The following DEDD2 variants were observed in gnomAD, a reference collection of about 807,000 sequenced individuals.
The protein encoded by DEDD2 is DNA-binding death effector domain-containing protein 2.
Under a neutral mutation model 28.9 loss-of-function variants are expected in DEDD2, and 18 were observed. The ratio of observed to expected loss-of-function variants is 0.62; its 90% CI spans 0.43 to 0.92. DEDD2 has a LOEUF of 0.92. DEDD2 is among the 40% of genes least tolerant of loss of function. The pLI is 0.00. For synonymous variants in DEDD2, 211 were observed against 206.1 expected, an observed-to-expected ratio of 1.02 and a Z score of -0.20; for missense variants, 411 against 463.3, an observed-to-expected ratio of 0.89 and a Z score of 1.04.
intron 3 of DEDD2, among the ~76,000 whole-genome samples, chr19:42,214,728 A>G (rs1053939881): frequency 1.3e-5 from 2 of 152,132 alleles, no homozygotes; most frequent in Non-Finnish European, 2.9e-5. Context: ...TCATCACTGC[A>G]CTCCAGCCTG....
chr19:42,219,402 A>G (rs2036089622), upstream of DEDD2, among the ~76,000 whole-genome samples: 1 of 152,066 alleles, frequency 6.6e-6, no homozygotes, highest in Non-Finnish European at 1.5e-5. Flanking sequence ...GGAGTTCGAG[A>G]GCAGCCTGAC....
intron 3 of DEDD2, among the ~76,000 whole-genome samples, chr19:42,213,482 A>AG (rs2035844998): frequency 1.3e-5 from 2 of 152,190 alleles, no homozygotes; most frequent in South Asian, 4.1e-4. Flanking sequence ...CCCTTAACCA[A>AG]GTGACCAAAC....
intron 4 of DEDD2, among the ~76,000 whole-genome samples, chr19:42,200,955 A>G (rs2035308626): frequency 6.6e-6 from 1 of 152,032 alleles, no homozygotes; most frequent in South Asian, 2.1e-4. Context: ...TAGTGACAGT[A>G]CCCCCTCTCT....
At chr19:42,216,365 C>T (rs1220571812) in intron 2 of DEDD2, among the ~76,000 whole-genome samples, 3 of 152,194 alleles carry the variant, frequency 2.0e-5, no homozygotes, top group Non-Finnish European at 4.4e-5. Flanking sequence ...ACAGTGAAGA[C>T]AGTAACAGGA....
At chr19:42,214,415 A>C (rs2035883909) in intron 3 of DEDD2, among the ~76,000 whole-genome samples, 1 of 152,106 alleles carries the variant, frequency 6.6e-6, no homozygotes, top group African/African-American at 2.4e-5. Context: ...CCGAGATTGC[A>C]CCACTGCACC....
In DEDD2 at chr19:42,216,704, G is replaced by C. The variant is rs866306268; in HGVS notation, c.304C>G (p.Leu102Val). Residue 102 changes from leucine to valine, a missense_variant, in exon 2 of 5, where the codon CTG becomes GTG. Physicochemically the swap from Leu to Val is conservative, Grantham distance 32. This residue lies in a region of DEDD2 where 282 missense variants were observed against 273.4 expected (regional missense o/e 1.03). Transcript: ENST00000596251. ...VLARHDLLPHLARKRRRPVSP... is the reference protein window; with the variant it reads ...VLARHDLLPHVARKRRRPVSP... Reference sequence around the variant, plus strand: ...CCTGGCCGGCGCCGCTTGCGCGCCAGGTGCGGCAGCAGGTCGTGGCGGGCC... The same window carrying C: ...CCTGGCCGGCGCCGCTTGCGCGCCACGTGCGGCAGCAGGTCGTGGCGGGCC... 6.3e-7 allele frequency: 1 copy of C among 1,585,806 alleles called. No individual in the cohort carries two copies. Among genetic ancestry groups the C allele is most frequent in the Non-Finnish European group, 8.5e-7 (1 of 1,170,298 alleles).
chr19:42,218,468 T>C (rs2036064560), upstream of DEDD2, among the ~76,000 whole-genome samples: 1 of 152,070 alleles, frequency 6.6e-6, no homozygotes, highest in African/African-American at 2.4e-5. Flanking sequence ...GTCGCCCAGA[T>C]ACCCGCTCCC....
At chr19:42,202,928 T>C (rs1298420184) in intron 4 of DEDD2, among the ~76,000 whole-genome samples, 2 of 152,260 alleles carry the variant, frequency 1.3e-5, no homozygotes, top group East Asian at 3.9e-4. Flanking sequence ...GCTTTACCCC[T>C]CCCCAAAATA....
intron 4 of DEDD2, among the ~76,000 whole-genome samples, chr19:42,205,989 G>A (rs1010818266): frequency 6.6e-6 from 1 of 151,928 alleles, no homozygotes; most frequent in Non-Finnish European, 1.5e-5. Flanking sequence ...GGAGGCTGAG[G>A]TTGGAGAATC....
chr19:42,217,456 G>C (rs2036029430), intron 1 of DEDD2, among the ~76,000 whole-genome samples, 176 bp downstream of exon 1: 1 of 152,150 alleles, frequency 6.6e-6, no homozygotes, highest in Non-Finnish European at 1.5e-5. Context: ...CCTCCCGAAA[G>C]TGACCCTCTG....
intron 4 of DEDD2, among the ~76,000 whole-genome samples, chr19:42,200,299 GGA>G (rs1057412821): frequency 1.1e-4 from 16 of 152,202 alleles, no homozygotes; most frequent in African/African-American, 3.6e-4. Flanking sequence ...CACTCAGCAT[GGA>G]GAGACAGATG....
Position 42,199,162 on chromosome 19 carries a change from C to T in DEDD2, c.*276G>A, listed in dbSNP as rs1045803408. On this transcript the variant is annotated 3_prime_UTR_variant, in exon 5 of 5. Transcript: ENST00000596251. The surrounding 1 kb of genome is among the most constrained non-coding windows in gnomAD (Gnocchi z 7.4). ...GCCTTTGGTGAGTGTGTAGCTGTGC[C>T]CCTCCCTTCTGAGATACAGGCCCAG... The T allele has an allele frequency of 1.2e-5, 6 of 513,660 alleles. No individual in the cohort carries two copies. Among genetic ancestry groups the T allele is most frequent in the Non-Finnish European group, 2.1e-5 (6 of 288,304 alleles). 31.8% of individuals were successfully genotyped at this position (513,660 alleles called of 1,614,324 possible). A position where few individuals can be genotyped will look rare whatever the true frequency, so the allele number is the denominator to read the frequency against.
intron 4 of DEDD2, among the ~76,000 whole-genome samples, chr19:42,206,316 TGG>T (rs1003309802): frequency 6.6e-6 from 1 of 152,056 alleles, no homozygotes; most frequent in African/African-American, 2.4e-5. Context: ...ACATCCCACT[TGG>T]GCCTGTGCTC....
intron 4 of DEDD2, chr19:42,204,354 G>A (rs2035445356): frequency 6.6e-6 from 1 of 152,212 alleles, no homozygotes. Context: ...GTTGGATCAT[G>A]GGGCTGGGTC....
At chr19:42,219,506 G>C (rs1385571220), upstream of DEDD2, among the ~76,000 whole-genome samples, 1 of 152,088 alleles carries the variant, frequency 6.6e-6, no homozygotes, top group African/African-American at 2.4e-5. Flanking sequence ...GGAGGCTAAG[G>C]CAGGAGAATC....
chr19:42,199,927 C>A lies in DEDD2; in HGVS notation c.590-98G>T, dbSNP rs556688690. On this transcript the variant is annotated intron_variant, in intron 4 of 4. Coordinates refer to ENST00000596251, the MANE Select transcript of DEDD2 (RefSeq NM_133328.4). This position sits in a 1 kb window ranked among gnomAD's most constrained non-coding sequence, Gnocchi z 7.4. ...TCCCTCCAGCCTTCTCCCTCCACCC[C>A]CTTCCGGTAGCCACACCCTAGTCCT... is the stretch of plus-strand genomic sequence containing the variant. 17 of 1,462,140 alleles carry A rather than the reference C, an allele frequency of 1.2e-5. No homozygotes were observed. Among genetic ancestry groups the A allele is most frequent in the African/African-American group, 8.5e-5 (6 of 70,506 alleles). The allele number at this position is 1,462,140 out of a possible 1,614,324, so 90.6% of individuals were successfully genotyped here.
rs2035978169 is a variant in DEDD2, at chr19:42,216,602, A to T, written c.328+78T>A. On this transcript the variant is annotated intron_variant, in intron 2 of 4. Transcript: ENST00000596251. Reference sequence around the variant, plus strand: ...AGCTGCCTGATATGGCACTGTCCGTATCAGGGCACCAGGGAGGCCCAGCGG... The same window carrying T: ...AGCTGCCTGATATGGCACTGTCCGTTTCAGGGCACCAGGGAGGCCCAGCGG... 1.1e-5 allele frequency: 16 copies of T among 1,403,900 alleles called. No homozygotes were observed. In the South Asian group the frequency reaches 2.0e-4, roughly 17 times the overall value. 87.0% of individuals were successfully genotyped at this position (1,403,900 alleles called of 1,614,324 possible).
In DEDD2 at chr19:42,217,060, G is replaced by C; in HGVS notation, c.-38-15C>G. On this transcript the variant is annotated splice_polypyrimidine_tract_variant and intron_variant, in intron 1 of 4. Coordinates refer to ENST00000596251, the MANE Select transcript of DEDD2 (RefSeq NM_133328.4). ...CAGAACCCGGCCTAGAACCCACACAGCGGGGAGGGGGCAGTGGTCAGCGAC... is the reference window on the plus strand; with the variant it reads ...CAGAACCCGGCCTAGAACCCACACACCGGGGAGGGGGCAGTGGTCAGCGAC... 6.6e-7 allele frequency: 1 copy of C among 1,516,214 alleles called. No individual in the cohort carries two copies. Among genetic ancestry groups the C allele is most frequent in the Non-Finnish European group, 8.9e-7 (1 of 1,117,422 alleles). The allele number at this position is 1,516,214 out of a possible 1,614,324, so 93.9% of individuals were successfully genotyped here.
chr19:42,215,259 G>A lies in DEDD2; in HGVS notation c.329-7C>T. 1.9e-6 allele frequency: 3 copies of A among 1,613,788 alleles called. No homozygotes were observed. Among genetic ancestry groups the A allele is most frequent in the East Asian group, 2.2e-5 (1 of 44,878 alleles). On this transcript the variant is annotated splice_polypyrimidine_tract_variant and splice_region_variant and intron_variant, in intron 2 of 4. Coordinates refer to ENST00000596251, the MANE Select transcript of DEDD2 (RefSeq NM_133328.4). Reference sequence around the variant, plus strand: ...CTATAGCGTTCTGGAGACACTGGAGGAAGAGAAGAACAGGAAGAAGCATTC... The same window carrying A: ...CTATAGCGTTCTGGAGACACTGGAGAAAGAGAAGAACAGGAAGAAGCATTC...
Sources: gnomAD v4.1 joint callset for allele counts (sites outside exome capture counted in the v4.1 genomes callset) on GRCh38, gnomAD v4.1.1 for gene constraint, gnomAD v4.1.1 regional missense constraint, Gnocchi (gnomAD v3.1) non-coding constraint, MANE v1.5 for transcripts, NCBI Gene and HGNC (gene_info 2026-07-23, HGNC 2026-07-21) for gene names.